The following RALYL variants were observed in gnomAD, a reference collection of about 807,000 sequenced individuals.
RALYL encodes RNA-binding Raly-like protein.
Under a neutral mutation model 35.1 loss-of-function variants are expected in RALYL, and 29 were observed. The observed-to-expected ratio is 0.83, with a 90% CI of 0.61 to 1.13. The LOEUF (loss-of-function observed/expected upper bound fraction) is 1.13. RALYL is among the 50% of genes most tolerant of loss of function. RALYL has a pLI of 0.00. For missense variants in RALYL, 359 were observed against 360.4 expected (o/e 1.00, Z 0.03); for synonymous variants, 120 against 127.6 (o/e 0.94, Z 0.40).
chr8:84,775,222 C>T (rs1816556035), intron 3 of RALYL, among the ~76,000 whole-genome samples: 1 of 152,180 alleles, frequency 6.6e-6, no homozygotes, highest in Non-Finnish European at 1.5e-5. Flanking sequence ...TCCCAAAGTG[C>T]TGGGATTACA....
At chr8:84,469,752 G>A (rs1013221409) in intron 1 of RALYL, among the ~76,000 whole-genome samples, 6 of 152,144 alleles carry the variant, frequency 3.9e-5, no homozygotes, top group Admixed American at 1.3e-4. Flanking sequence ...CTGCCCCCTT[G>A]CAGTTTGATC....
At chr8:84,745,896 C>T (rs1405112139) in intron 2 of RALYL, among the ~76,000 whole-genome samples, 1 of 151,956 alleles carries the variant, frequency 6.6e-6, no homozygotes, top group Admixed American at 6.6e-5. Flanking sequence ...CTTCCAAGGA[C>T]AGCTAGCATC....
At chr8:84,734,242 A>G (rs917817483) in intron 2 of RALYL, among the ~76,000 whole-genome samples, 1 of 152,136 alleles carries the variant, frequency 6.6e-6, no homozygotes, top group South Asian at 2.1e-4. Flanking sequence ...AATCTTTGAC[A>G]AGCTAATTTA....
chr8:84,399,280 T>A (rs1330743109), intron 1 of RALYL, among the ~76,000 whole-genome samples: 1 of 152,092 alleles, frequency 6.6e-6, no homozygotes, highest in African/African-American at 2.4e-5. Context: ...TCACAATGAG[T>A]CTTAGAAATA....
chr8:84,365,735 C>G (rs1313731454), intron 1 of RALYL, among the ~76,000 whole-genome samples: 1 of 152,086 alleles, frequency 6.6e-6, no homozygotes, highest in Non-Finnish European at 1.5e-5. Flanking sequence ...CAACAGAAGG[C>G]AGTTATGGGT....
intron 1 of RALYL, among the ~76,000 whole-genome samples, chr8:84,244,124 T>A (rs1410459778): frequency 2.0e-5 from 3 of 152,120 alleles, no homozygotes; most frequent in African/African-American, 7.2e-5. Context: ...CAACTATGTA[T>A]CTTATTAATA....
At chr8:84,772,757 A>G (rs1012869202) in intron 2 of RALYL, among the ~76,000 whole-genome samples, 1 of 152,130 alleles carries the variant, frequency 6.6e-6, no homozygotes, top group South Asian at 2.1e-4. Context: ...GAACCCACAT[A>G]TCATCAGCAA....
At chr8:84,666,075 T>C (rs1202448593) in intron 2 of RALYL, among the ~76,000 whole-genome samples, 1 of 152,090 alleles carries the variant, frequency 6.6e-6, no homozygotes, top group African/African-American at 2.4e-5. Flanking sequence ...TGATATGCTT[T>C]TAGATCTGTA....
chr8:84,409,511 G>A (rs2043889019), intron 1 of RALYL, among the ~76,000 whole-genome samples: 1 of 151,998 alleles, frequency 6.6e-6, no homozygotes, highest in East Asian at 1.9e-4. Flanking sequence ...GAATTTCAGA[G>A]GAGAGCTATC....
chr8:84,436,863 T>C (rs1335187244), intron 1 of RALYL, among the ~76,000 whole-genome samples: 1 of 151,816 alleles, frequency 6.6e-6, no homozygotes, highest in Non-Finnish European at 1.5e-5. Context: ...AATTTATTTA[T>C]TTATTTATTT....
intron 1 of RALYL, among the ~76,000 whole-genome samples, chr8:84,404,476 A>T (rs1462514305): frequency 2.0e-5 from 3 of 152,134 alleles, no homozygotes; most frequent in Non-Finnish European, 2.9e-5. Context: ...GATTACATTT[A>T]TTGATTTGCG....
chr8:84,657,665 T>A (rs954836377), intron 2 of RALYL, among the ~76,000 whole-genome samples: 1 of 152,146 alleles, frequency 6.6e-6, no homozygotes, highest in Admixed American at 6.6e-5. Flanking sequence ...AACACTCTAA[T>A]AGAAGTGCAA....
intron 1 of RALYL, among the ~76,000 whole-genome samples, chr8:84,377,470 T>TGTTTGTTTGTTTGTTTGTTTG (rs1298809661): frequency 6.7e-6 from 1 of 148,624 alleles, no homozygotes; most frequent in African/African-American, 2.5e-5. Flanking sequence ...TTTTTTTTTT[T>TGTTTGTTTGTTTGTTTGTTTG]TTTTTCTTAA....
intron 1 of RALYL, among the ~76,000 whole-genome samples, chr8:84,413,468 T>G (rs1417513210): frequency 6.6e-6 from 1 of 151,992 alleles, no homozygotes; most frequent in Non-Finnish European, 1.5e-5. Context: ...ATACCCAAAT[T>G]CTATATATTT....
At chr8:84,192,512 T>C (rs918143615) in intron 1 of RALYL, among the ~76,000 whole-genome samples, 2 of 152,136 alleles carry the variant, frequency 1.3e-5, no homozygotes, top group Admixed American at 6.5e-5. Context: ...GAGTGCTGAA[T>C]TATTTGGGAT....
At chr8:84,509,201 G>C (rs1201720787) in intron 1 of RALYL, among the ~76,000 whole-genome samples, 1 of 152,032 alleles carries the variant, frequency 6.6e-6, no homozygotes, top group African/African-American at 2.4e-5. Context: ...TAGACCACTT[G>C]GGTTCATGCA....
intron 2 of RALYL, among the ~76,000 whole-genome samples, chr8:84,620,760 A>C (rs1247134705): frequency 6.6e-6 from 1 of 151,662 alleles, no homozygotes; most frequent in Non-Finnish European, 1.5e-5. Context: ...GGTGATGTAC[A>C]GATGGGTTTT....
chr8:84,414,831 C>T (rs2044470581), intron 1 of RALYL, among the ~76,000 whole-genome samples: 1 of 152,106 alleles, frequency 6.6e-6, no homozygotes, highest in Admixed American at 6.5e-5. Flanking sequence ...AACCCACTTA[C>T]ACAGCTCAGG....
chr8:84,514,249 T>C (rs974236081), intron 1 of RALYL, among the ~76,000 whole-genome samples: 1 of 152,160 alleles, frequency 6.6e-6, no homozygotes, highest in Non-Finnish European at 1.5e-5. Context: ...AACACAGTAA[T>C]CTGTTGTCAT....
Sources: gnomAD v4.1 joint callset for allele counts (sites outside exome capture counted in the v4.1 genomes callset) on GRCh38, gnomAD v4.1.1 for gene constraint, MANE v1.5 for transcripts, NCBI Gene and HGNC (gene_info 2026-07-23, HGNC 2026-07-21) for gene names.